The following APBA2 variants were observed in gnomAD, a reference collection of about 807,000 sequenced individuals.
APBA2 encodes amyloid-beta A4 precursor protein-binding family A member 2.
A neutral mutation model predicts 75.0 loss-of-function variants in APBA2; 30 were observed. That is an observed-to-expected ratio of 0.40 (90% CI 0.30 to 0.54). The LOEUF is 0.54. Ranked by LOEUF, APBA2 falls within the 20% of genes least tolerant of loss-of-function variation. The probability of loss-of-function intolerance (pLI) is 0.49; values close to 1 mark genes in which losing one functional copy is unlikely to be tolerated. For synonymous variants in APBA2, 444 were observed against 409.6 expected (o/e 1.08, Z -1.01); for missense variants, 801 against 1,016.1 (o/e 0.79, Z 2.88).
At chr15:28,915,383 GCCCACC>G (rs2033642595) in intron 1 of APBA2, among the ~76,000 whole-genome samples, 1 of 109,126 alleles carries the variant, frequency 9.2e-6, no homozygotes, top group African/African-American at 3.6e-5. Flanking sequence ...CACACACCAT[GCCCACC>G]TCACACACCA....
intron 3 of APBA2, among the ~76,000 whole-genome samples, chr15:29,002,308 G>A (rs184852786): frequency 5.3e-5 from 8 of 152,324 alleles, no homozygotes; most frequent in Admixed American, 1.3e-4. Flanking sequence ...GTCATAGCAG[G>A]GGTCTCCTGT....
At chr15:29,091,286 C>T (rs1202432161) in intron 6 of APBA2, among the ~76,000 whole-genome samples, 3 of 152,120 alleles carry the variant, frequency 2.0e-5, no homozygotes, top group African/African-American at 7.2e-5. Flanking sequence ...ATGGGGGTCC[C>T]TGTGGGGAGA....
intron 2 of APBA2, among the ~76,000 whole-genome samples, chr15:28,976,165 TG>T (rs796907533): frequency 9.4e-4 from 143 of 152,364 alleles, no homozygotes; most frequent in African/African-American, 3.3e-3. Context: ...GGCAGCCCTC[TG>T]GAAATGACCT....
chr15:28,995,353 T>C (rs1390692467), intron 2 of APBA2, among the ~76,000 whole-genome samples: 1 of 151,272 alleles, frequency 6.6e-6, no homozygotes, highest in African/African-American at 2.4e-5. Context: ...CCCACCCCCA[T>C]ATGCACACCC....
chr15:29,040,241 T>TC (rs1304278525), intron 3 of APBA2, among the ~76,000 whole-genome samples: 3 of 152,214 alleles, frequency 2.0e-5, no homozygotes, highest in Non-Finnish European at 4.4e-5. Context: ...CCCATTTTTT[T>TC]CTCTTTCTCA....
At chr15:29,013,238 C>T (rs961853439) in intron 3 of APBA2, among the ~76,000 whole-genome samples, 1 of 148,540 alleles carries the variant, frequency 6.7e-6, no homozygotes, top group African/African-American at 2.5e-5. Context: ...TCCTGAGTAA[C>T]GAAGATGTTA....
chr15:28,938,581 T>C (rs569935254), intron 2 of APBA2, among the ~76,000 whole-genome samples: 32 of 152,322 alleles, frequency 2.1e-4, no homozygotes, highest in African/African-American at 7.5e-4. Context: ...CAATCTTGGC[T>C]CACTGCACCC....
intron 3 of APBA2, among the ~76,000 whole-genome samples, chr15:29,039,956 G>GT (rs546058310): frequency 2.6e-5 from 4 of 152,106 alleles, no homozygotes; most frequent in Non-Finnish European, 5.9e-5. Flanking sequence ...CTGTGGTTGG[G>GT]TTTTTTTCCC....
rs536636057 is a variant in APBA2 at position 29,105,542 on chromosome 15, C to G, written c.1688C>G (p.Ser563Trp). The G allele has an allele frequency of 6.2e-7, 1 of 1,613,472 alleles. No homozygotes were observed. Among genetic ancestry groups the G allele is most frequent in the African/African-American group, 1.3e-5 (1 of 74,924 alleles). ...GACGACCTCATCCACTTCTCAAACT[C>G]GGAGAACTGCAAGGAGGTAAGCCAC... is the stretch of plus-strand genomic sequence containing the variant. Reference protein sequence around the residue: ...YNDDLIHFSNSENCKELQLEK... With the variant: ...YNDDLIHFSNWENCKELQLEK... The change falls in exon 11 of 15, where the codon TCG becomes TGG. Residue 563 changes from serine to tryptophan, a missense_variant. Ser to Trp is a radical substitution (Grantham distance 177). Transcript: ENST00000683413.
chr15:29,046,835 G>A lies in APBA2; in HGVS notation c.-40-7010G>A, dbSNP rs117911620. Among the ~76,000 whole-genome samples, 117 of 152,306 alleles carry A rather than the reference G, an allele frequency of 7.7e-4. No homozygotes were observed. The East Asian group carries it at 0.02, about 26-fold the overall frequency. On this transcript the variant is annotated intron_variant, in intron 3 of 14. Coordinates refer to ENST00000683413, the MANE Select transcript of APBA2 (RefSeq NM_001353788.2). This position sits in a 1 kb window ranked among gnomAD's most constrained non-coding sequence, Gnocchi z 5.0. ...TGCAGGGATGCAATTTGCATACATAGCCAGGGACAGTGTCATCTGGCCACA... is the reference window on the plus strand; with the variant it reads ...TGCAGGGATGCAATTTGCATACATAACCAGGGACAGTGTCATCTGGCCACA...
rs762308354 is a variant in APBA2 at position 29,117,044 on chromosome 15, T to C, written c.2179-18T>C. 36 of 1,612,690 alleles carry C rather than the reference T, an allele frequency of 2.2e-5. No homozygotes were observed. In the Admixed American group the frequency reaches 5.5e-4, roughly 25 times the overall value. On this transcript the variant is annotated intron_variant, in intron 14 of 14. Coordinates refer to ENST00000683413, the MANE Select transcript of APBA2 (RefSeq NM_001353788.2). ...GAGGTGGGAGGGCAGCGGCTCAGCC[T>C]CCTGTTTCTGTCCGCAGATCCACAT...
intron 3 of APBA2, among the ~76,000 whole-genome samples, chr15:29,041,324 T>C (rs1287784340): frequency 6.6e-6 from 1 of 151,160 alleles, no homozygotes; most frequent in Admixed American, 6.6e-5. Context: ...AATAAGTAAA[T>C]AAATAAAATT....
At chr15:29,023,504 G>A (rs1382459725) in intron 3 of APBA2, among the ~76,000 whole-genome samples, 2 of 121,756 alleles carry the variant, frequency 1.6e-5, no homozygotes, top group Admixed American at 2.2e-4. Flanking sequence ...TGCCTAGGCT[G>A]GAGTGTAGTG....
chr15:28,955,056 C>T lies in APBA2; in HGVS notation c.-95+33307C>T, dbSNP rs190580553. On this transcript the variant is annotated intron_variant, in intron 2 of 14. Transcript: ENST00000683413. ...GGTTCACCCAGTCCCCTGGCCTTTCCGACGCTGTGCGCATCTGTATTTGTT... is the reference window on the plus strand; with the variant it reads ...GGTTCACCCAGTCCCCTGGCCTTTCTGACGCTGTGCGCATCTGTATTTGTT... Among the ~76,000 whole-genome samples the T allele has an allele frequency of 1.8e-3, 281 of 152,220 alleles. 1 individual carries two copies. The highest frequency in any genetic ancestry group is 6.4e-3 in the African/African-American group (265 of 41,528).
intron 3 of APBA2, among the ~76,000 whole-genome samples, chr15:29,003,998 C>G (rs1243385146): frequency 1.3e-5 from 2 of 152,192 alleles, no homozygotes; most frequent in African/African-American, 4.8e-5. Flanking sequence ...CGTGGGGGCT[C>G]CAGGACCAAA....
At chr15:28,909,802 G>A (rs2033343524) in intron 1 of APBA2, among the ~76,000 whole-genome samples, 1 of 152,186 alleles carries the variant, frequency 6.6e-6, no homozygotes, top group African/African-American at 2.4e-5. Flanking sequence ...CCTGAAGGCC[G>A]TGTGACCACA....
intron 7 of APBA2, 35 bp downstream of exon 7, chr15:29,093,255 G>A (rs755195018): frequency 1.6e-5 from 26 of 1,611,262 alleles, no homozygotes; most frequent in East Asian, 2.2e-5. Context: ...GCGGATGCCC[G>A]CACACTTTGG....
chr15:28,929,198 A>G (rs897957666), intron 2 of APBA2, among the ~76,000 whole-genome samples: 17 of 152,236 alleles, frequency 1.1e-4, no homozygotes, highest in African/African-American at 3.9e-4. Context: ...CTCAGTTGTC[A>G]TCTGTCTTCC....
At chr15:28,896,771 G>A (rs949836674) in intron 1 of APBA2, among the ~76,000 whole-genome samples, 3 of 152,142 alleles carry the variant, frequency 2.0e-5, no homozygotes, top group Non-Finnish European at 4.4e-5. Context: ...ACCCATATTT[G>A]TAGAAATCCA....
Sources: gnomAD v4.1 joint callset for allele counts (sites outside exome capture counted in the v4.1 genomes callset) on GRCh38, gnomAD v4.1.1 for gene constraint, Gnocchi (gnomAD v3.1) non-coding constraint, MANE v1.5 for transcripts, NCBI Gene and HGNC (gene_info 2026-07-23, HGNC 2026-07-21) for gene names.